The following DOHH variants were observed in gnomAD, a reference collection of about 807,000 sequenced individuals.
DOHH encodes deoxyhypusine hydroxylase.
A neutral mutation model predicts 19.9 loss-of-function variants in DOHH; 16 were observed. The ratio of observed to expected loss-of-function variants is 0.80; its 90% confidence interval spans 0.54 to 1.22. The LOEUF is 1.22. DOHH is among the 50% of genes most tolerant of loss of function. The probability of loss-of-function intolerance (pLI) is 0.00; values close to 1 mark genes in which losing one functional copy is unlikely to be tolerated. For missense variants in DOHH, 460 were observed against 460.6 expected (o/e 1.00, Z 0.01); for synonymous variants, 233 against 217.0 (o/e 1.07, Z -0.65).
chr19:3,491,406 A>G lies in DOHH; in HGVS notation c.*86T>C. The G allele has an allele frequency of 7.3e-7, 1 of 1,372,546 alleles. No individual in the cohort carries two copies. The highest frequency in any genetic ancestry group is 9.8e-7 in the Non-Finnish European group (1 of 1,021,376). The allele number at this position is 1,372,546 out of a possible 1,614,324, so 85.0% of individuals were successfully genotyped here. A position where few individuals can be genotyped will look rare whatever the true frequency, so the allele number is the denominator to read the frequency against. ...AAGACACAAGCGATGACACCGATTT[A>G]CACACACCCGGTTTAGACGCCAAAG... is the stretch of plus-strand genomic sequence containing the variant. On this transcript the variant is annotated 3_prime_UTR_variant, in exon 5 of 5. Transcript: ENST00000427575. The surrounding 1 kb of genome is among the most constrained non-coding windows in gnomAD (Gnocchi z 5.6).
At chr19:3,499,589 T>C (rs1022572545) in intron 1 of DOHH, among the ~76,000 whole-genome samples, 1 of 151,932 alleles carries the variant, frequency 6.6e-6, no homozygotes, top group East Asian at 1.9e-4. Context: ...CTGACCAACA[T>C]GGTGAAACCC....
chr19:3,490,858 C>T lies in DOHH; in HGVS notation c.*634G>A. On this transcript the variant is annotated 3_prime_UTR_variant, in exon 5 of 5. Transcript: ENST00000427575. ...ATAATTTAATATTCCATCTGGGCAG[C>T]GCTCTGAGGTCTGCTTGTCCCTCCC... is the stretch of plus-strand genomic sequence containing the variant. The T allele has an allele frequency of 6.6e-6, 1 of 151,956 alleles. No homozygotes were observed. Among genetic ancestry groups the T allele is most frequent in the African/African-American group, 2.4e-5 (1 of 41,220 alleles). 9.4% of individuals were successfully genotyped at this position (151,956 alleles called of 1,614,324 possible). A position where few individuals can be genotyped will look rare whatever the true frequency, so the allele number is the denominator to read the frequency against.
intron 3 of DOHH, among the ~76,000 whole-genome samples, chr19:3,493,042 A>C (rs1399885381): frequency 6.6e-6 from 1 of 152,240 alleles, no homozygotes; most frequent in African/African-American, 2.4e-5. Flanking sequence ...AGGAACATGC[A>C]TGTCCGTGGC....
At position 3,491,660 on chromosome 19, in the gene DOHH, G is replaced by C. The variant is rs771683186; in HGVS notation, c.741C>G (p.Gly247=). 1.3e-6 allele frequency: 2 copies of C among 1,534,614 alleles called. No homozygotes were observed. The highest frequency in any genetic ancestry group is 1.7e-6 in the Non-Finnish European group (2 of 1,144,678). The change falls in exon 5 of 5, where the codon GGC becomes GGG. Residue 247 remains glycine (G), a synonymous_variant. Transcript: ENST00000427575. This position sits in a 1 kb window ranked among gnomAD's most constrained non-coding sequence, Gnocchi z 5.6. ...CCAGGCAGGCGGGCCGGGCAATGGC[G>C]CCCAGGGCCTCCGCGCACTCGTGCC... is the stretch of plus-strand genomic sequence containing the variant. ...MVRHECAEAL[G]AIARPACLAA...
rs950908790 is a variant in DOHH, at chr19:3,492,413, G to C, written c.438C>G (p.Ser146=). The change falls in exon 4 of 5, where the codon TCC becomes TCG. Residue 146 remains serine (S), a synonymous_variant. Coordinates refer to ENST00000427575, the MANE Select transcript of DOHH (RefSeq NM_001145165.2). ...GGEPAAGPYL[S]VDPAPPAEER... ...CCTCAGCCGGCGGGGCAGGGTCCAC[G>C]GAGAGGTAGGGTCCCGCCGCCGGCT... 3 of 1,518,014 alleles carry C rather than the reference G, an allele frequency of 2.0e-6. No homozygotes were observed. Among genetic ancestry groups the C allele is most frequent in the Non-Finnish European group, 2.6e-6 (3 of 1,139,580 alleles). The allele number at this position is 1,518,014 out of a possible 1,614,324, so 94.0% of individuals were successfully genotyped here. A position where few individuals can be genotyped will look rare whatever the true frequency, so the allele number is the denominator to read the frequency against.
At chr19:3,494,198 C>T in intron 2 of DOHH, 94 bp from the exon 3 acceptor site, 1 of 1,130,798 alleles carries the variant, frequency 8.8e-7, no homozygotes, top group Non-Finnish European at 1.3e-6. Flanking sequence ...CCTCCCAGGG[C>T]TCTGCCACTG....
chr19:3,492,423 G>C lies in DOHH; in HGVS notation c.428C>G (p.Pro143Arg). The change falls in exon 4 of 5, where the codon CCC (proline) becomes CGC (arginine). Residue 143 changes from proline (P) to arginine (R), a missense_variant. Coordinates refer to ENST00000427575, the MANE Select transcript of DOHH (RefSeq NM_001145165.2). ...QQHGGEPAAGPYLSVDPAPPA... is the reference protein window; with the variant it reads ...QQHGGEPAAGRYLSVDPAPPA... ...CGGGGCAGGGTCCACGGAGAGGTAGGGTCCCGCCGCCGGCTCCCCGCCGTG... is the reference window on the plus strand; with the variant it reads ...CGGGGCAGGGTCCACGGAGAGGTAGCGTCCCGCCGCCGGCTCCCCGCCGTG... The C allele has an allele frequency of 1.3e-6, 2 of 1,501,902 alleles. No homozygotes were observed. Among genetic ancestry groups the C allele is most frequent in the South Asian group, 2.5e-5 (2 of 80,284 alleles). The allele number at this position is 1,501,902 out of a possible 1,614,324, so 93.0% of individuals were successfully genotyped here.
chr19:3,496,705 G>C lies in DOHH; in HGVS notation c.110C>G (p.Pro37Arg). The C allele has an allele frequency of 6.2e-7, 1 of 1,613,484 alleles. No homozygotes were observed. The highest frequency in any genetic ancestry group is 8.5e-7 in the Non-Finnish European group (1 of 1,179,926). ...CTGGCTGATCCATGCAATGGCGCCT[G>C]GGCCGCCGAGCCCACGCAGCGTGAA... ...ALFTLRGLGG[P>R]GAIAWISQAF... Residue 37 changes from proline (P) to arginine (R), a missense_variant, in exon 2 of 5, where the codon CCA (proline) becomes CGA (arginine). By Grantham distance (103) the Pro-to-Arg change is moderately radical. Coordinates refer to ENST00000427575, the MANE Select transcript of DOHH (RefSeq NM_001145165.2). This position sits in a 1 kb window ranked among gnomAD's most constrained non-coding sequence, Gnocchi z 4.8.
At position 3,491,098 on chromosome 19, in the gene DOHH, C is replaced by T; in HGVS notation, c.*394G>A. 1 of 276,940 alleles carries T rather than the reference C, an allele frequency of 3.6e-6. No homozygotes were observed. Among genetic ancestry groups the T allele is most frequent in the Non-Finnish European group, 6.8e-6 (1 of 147,384 alleles). The allele number at this position is 276,940 out of a possible 1,614,324, so 17.2% of individuals were successfully genotyped here. ...CCCTCGCGATCCTCCCTTGGCTTCC[C>T]TCGCGATCCTCCCCTGGCTTCCCTC... On this transcript the variant is annotated 3_prime_UTR_variant, in exon 5 of 5. Coordinates refer to ENST00000427575, the MANE Select transcript of DOHH (RefSeq NM_001145165.2). This position sits in a 1 kb window ranked among gnomAD's most constrained non-coding sequence, Gnocchi z 5.6.
chr19:3,496,561 G>A lies in DOHH; in HGVS notation c.254C>T (p.Pro85Leu), dbSNP rs754357864. 9 of 1,612,538 alleles carry A rather than the reference G, an allele frequency of 5.6e-6. No homozygotes were observed. The highest frequency in any genetic ancestry group is 6.8e-6 in the Non-Finnish European group (8 of 1,179,266). Residue 85 changes from proline (P) to leucine (L), a missense_variant, in exon 2 of 5, where the codon CCC becomes CTC. Transcript: ENST00000427575. The surrounding 1 kb of genome is among the most constrained non-coding windows in gnomAD (Gnocchi z 4.8). ...CTCACCTGCCTCATGGCGCACCATG[G>A]GCTCCTGACGGGTGTCTTGCAGCAC... ...VDVLQDTRQE[P>L]MVRHEAGEAL... is the part of the protein sequence containing the mutation.
In DOHH at chr19:3,491,924, G is replaced by C; in HGVS notation, c.590-113C>G. ...CCCAGGCAGGTCACAAAGTCCTGGC[G>C]ATCTTCCCATCCCGGCCTCCCAAAG... On this transcript the variant is annotated intron_variant, in intron 4 of 4. Coordinates refer to ENST00000427575, the MANE Select transcript of DOHH (RefSeq NM_001145165.2). This position sits in a 1 kb window ranked among gnomAD's most constrained non-coding sequence, Gnocchi z 5.6. The C allele has an allele frequency of 8.6e-7, 1 of 1,165,570 alleles. No homozygotes were observed. Among genetic ancestry groups the C allele is most frequent in the Non-Finnish European group, 1.1e-6 (1 of 875,242 alleles). 72.2% of individuals were successfully genotyped at this position (1,165,570 alleles called of 1,614,324 possible).
At chr19:3,497,207 G>A (rs2082915348) in intron 1 of DOHH, among the ~76,000 whole-genome samples, 1 of 152,170 alleles carries the variant, frequency 6.6e-6, no homozygotes, top group South Asian at 2.1e-4. Context: ...GCTTTATATA[G>A]CGATCCCCAC....
rs1291992321 is a variant in DOHH, at chr19:3,496,483, G to A, written c.274+58C>T. 3 of 1,570,870 alleles carry A rather than the reference G, an allele frequency of 1.9e-6. No homozygotes were observed. Among genetic ancestry groups the A allele is most frequent in the Non-Finnish European group, 2.6e-6 (3 of 1,158,204 alleles). Reference sequence around the variant, plus strand: ...CCTGAGTGAGGAAGGGGACACGTGGGGTCATGAAGAAGTGAGGCAGGAGGG... The same window carrying A: ...CCTGAGTGAGGAAGGGGACACGTGGAGTCATGAAGAAGTGAGGCAGGAGGG... On this transcript the variant is annotated intron_variant, in intron 2 of 4. Transcript: ENST00000427575. This position sits in a 1 kb window ranked among gnomAD's most constrained non-coding sequence, Gnocchi z 4.8.
chr19:3,491,670 T>C lies in DOHH; in HGVS notation c.731A>G (p.Glu244Gly), dbSNP rs2082870936. 6.5e-7 allele frequency: 1 copy of C among 1,534,000 alleles called. No homozygotes were observed. The highest frequency in any genetic ancestry group is 8.7e-7 in the Non-Finnish European group (1 of 1,144,052). The change falls in exon 5 of 5, where the codon GAG (glutamate) becomes GGG (glycine). Residue 244 changes from glutamate (E) to glycine (G), a missense_variant. Coordinates refer to ENST00000427575, the MANE Select transcript of DOHH (RefSeq NM_001145165.2). This position sits in a 1 kb window ranked among gnomAD's most constrained non-coding sequence, Gnocchi z 5.6. ...ENPMVRHECA[E>G]ALGAIARPAC... ...GGGCCGGGCAATGGCGCCCAGGGCC[T>C]CCGCGCACTCGTGCCGCACCATGGG...
At chr19:3,495,658 C>G (rs1331211709) in intron 2 of DOHH, among the ~76,000 whole-genome samples, 2 of 152,106 alleles carry the variant, frequency 1.3e-5, no homozygotes, top group Non-Finnish European at 2.9e-5. Context: ...GCCTGTAATC[C>G]CAGCACTTTG....
In DOHH at chr19:3,491,457, A is replaced by G. The variant is rs1422719338; in HGVS notation, c.*35T>C. 2.6e-6 allele frequency: 4 copies of G among 1,517,950 alleles called. No homozygotes were observed. Among genetic ancestry groups the G allele is most frequent in the African/African-American group, 1.4e-5 (1 of 71,608 alleles). 94.0% of individuals were successfully genotyped at this position (1,517,950 alleles called of 1,614,324 possible). ...CTCTGCGGGGGAGGAGCGGCCCTCA[A>G]GAGTCCTCCGGGAGCTCCGGGTGAG... On this transcript the variant is annotated 3_prime_UTR_variant, in exon 5 of 5. Transcript: ENST00000427575. This position sits in a 1 kb window ranked among gnomAD's most constrained non-coding sequence, Gnocchi z 5.6.
Position 3,496,968 on chromosome 19 carries a change from T to C in DOHH, c.-72-82A>G. 2.9e-6 allele frequency: 3 copies of C among 1,026,146 alleles called. No homozygotes were observed. Among genetic ancestry groups the C allele is most frequent in the Non-Finnish European group, 3.8e-6 (3 of 782,902 alleles). The allele number at this position is 1,026,146 out of a possible 1,614,324, so 63.6% of individuals were successfully genotyped here. On this transcript the variant is annotated intron_variant, in intron 1 of 4. Coordinates refer to ENST00000427575, the MANE Select transcript of DOHH (RefSeq NM_001145165.2). The surrounding 1 kb of genome is among the most constrained non-coding windows in gnomAD (Gnocchi z 4.8). Reference sequence around the variant, plus strand: ...GTTCCTAGGACCTGGGTGGGGCAAATTCCTACCCACTGACCAACCTGAGCA... The same window carrying C: ...GTTCCTAGGACCTGGGTGGGGCAAACTCCTACCCACTGACCAACCTGAGCA...
rs999947746 is a variant in DOHH at position 3,491,208 on chromosome 19, C to A, written c.*284G>T. 1.9e-6 allele frequency: 1 copy of A among 526,362 alleles called. No homozygotes were observed. The highest frequency in any genetic ancestry group is 2.0e-5 in the African/African-American group (1 of 49,374). The allele number at this position is 526,362 out of a possible 1,614,324, so 32.6% of individuals were successfully genotyped here. A position where few individuals can be genotyped will look rare whatever the true frequency, so the allele number is the denominator to read the frequency against. On this transcript the variant is annotated 3_prime_UTR_variant, in exon 5 of 5. Transcript: ENST00000427575. This position sits in a 1 kb window ranked among gnomAD's most constrained non-coding sequence, Gnocchi z 5.6. ...GGCTTCCCTCGCAATCCTCCCCTGT[C>A]CTGAGCCGGGCATCCCAGAGCCTCC...
intron 2 of DOHH, among the ~76,000 whole-genome samples, chr19:3,494,494 G>T (rs898321314): frequency 2.6e-5 from 4 of 152,332 alleles, no homozygotes; most frequent in African/African-American, 9.6e-5. Flanking sequence ...GCGACAGAGT[G>T]AGACCCTGTC....
Sources: allele counts gnomAD v4.1 joint callset (sites outside exome capture counted in the v4.1 genomes callset), GRCh38; gene constraint gnomAD v4.1.1; non-coding constraint Gnocchi (gnomAD v3.1); transcripts MANE v1.5; gene names NCBI Gene and HGNC (gene_info 2026-07-23, HGNC 2026-07-21).